JAG2: variants seen among roughly 807,000 people sequenced by gnomAD.
JAG2 encodes the protein protein jagged-2.
In JAG2, 46 loss-of-function variants were observed where a neutral mutation model predicts 141.7. That is an observed-to-expected ratio of 0.32 (90% CI 0.26 to 0.42). The LOEUF is 0.42. JAG2 is among the 10% of genes least tolerant of loss of function. The pLI is 1.00. For missense variants in JAG2, 1,500 were observed against 1,817.5 expected (o/e 0.83, Z 3.18); for synonymous variants, 862 against 763.5 (o/e 1.13, Z -2.13).
rs771494301 is a variant in JAG2 at position 105,146,602 on chromosome 14, G to C, written c.2593+9C>G. The stretch of plus-strand genomic sequence containing the variant: ...CCGCCCCAACCCAGGGCAATCACAC[G>C]GGGCCTACCTTCCTGGCACCGGGGG... On this transcript the variant is annotated intron_variant, in intron 21 of 25. Coordinates refer to ENST00000331782, the MANE Select transcript of JAG2 (RefSeq NM_002226.5). 24 of 1,611,092 alleles carry C rather than the reference G, an allele frequency of 1.5e-5. No individual in the cohort carries two copies. Among genetic ancestry groups the C allele is most frequent in the Non-Finnish European group, 2.0e-5 (23 of 1,178,516 alleles).
chr14:105,143,022 C>A lies in JAG2; in HGVS notation c.3390G>T (p.Pro1130=). The change falls in exon 26 of 26, where the codon CCG becomes CCT. Residue 1130 remains proline, a synonymous_variant. Coordinates refer to ENST00000331782, the MANE Select transcript of JAG2 (RefSeq NM_002226.5). ...REESANNQWA[P]LNPIRNPIER... ...CAATGGGGTTGCGGATGGGGTTGAG[C>A]GGGGCCCACTGGTTGTTGGCGCTCT... 6.2e-7 allele frequency: 1 copy of A among 1,606,130 alleles called. No individual in the cohort carries two copies. The highest frequency in any genetic ancestry group is 8.5e-7 in the Non-Finnish European group (1 of 1,179,652).
In JAG2 at chr14:105,145,005, A is replaced by G. The variant is rs147560046; in HGVS notation, c.3009T>C (p.Ala1003=). The part of the protein sequence containing the change: ...SGIRSLPATR[A]VARDRLLVLL... ...ACACCAGCAGGCGGTCCCGTGCCACAGCCCTTGTGGCTGGCAGGGAGCGGA... is the reference window on the plus strand; with the variant it reads ...ACACCAGCAGGCGGTCCCGTGCCACGGCCCTTGTGGCTGGCAGGGAGCGGA... Residue 1003 remains alanine, a synonymous_variant, in exon 24 of 26, where the codon GCT becomes GCC. Transcript: ENST00000331782. 3.7e-6 allele frequency: 6 copies of G among 1,609,984 alleles called. No individual in the cohort carries two copies. In the African/African-American group the frequency reaches 6.7e-5, roughly 18 times the overall value.
At chr14:105,148,558 T>A (rs1595175744) in intron 15 of JAG2, 119 bp from the exon 16 acceptor site, 3 of 746,706 alleles carry the variant, frequency 4.0e-6, no homozygotes, top group East Asian at 5.7e-5. Flanking sequence ...GGGAGGAGCG[T>A]CGGGCCGGGG....
rs1888556819 is a variant in JAG2, at chr14:105,155,638, A to C, written c.728-16T>G. On this transcript the variant is annotated splice_polypyrimidine_tract_variant and intron_variant, in intron 4 of 25. Coordinates refer to ENST00000331782, the MANE Select transcript of JAG2 (RefSeq NM_002226.5). ...TTACACACAGCTGCGAACAGAGAGG[A>C]GCGAGAGGCACAGCTGCAGCCAGCC... 1 of 1,612,500 alleles carries C rather than the reference A, an allele frequency of 6.2e-7. No individual in the cohort carries two copies. The highest frequency in any genetic ancestry group is 8.5e-7 in the Non-Finnish European group (1 of 1,179,866).
chr14:105,166,192 G>A (rs959522497), intron 2 of JAG2, among the ~76,000 whole-genome samples: 20 of 152,230 alleles, frequency 1.3e-4, no homozygotes, highest in African/African-American at 4.6e-4. Context: ...GGGCCTACCC[G>A]GTCCCATCCC....
intron 7 of JAG2, 33 bp from the exon 8 acceptor site, chr14:105,151,772 A>G (rs2140980478): frequency 6.3e-7 from 1 of 1,599,756 alleles, no homozygotes; most frequent in East Asian, 2.2e-5. Context: ...CAGAGCTGGC[A>G]GCCAGGCCCC....
chr14:105,152,939 C>G (rs1293655974), intron 5 of JAG2, among the ~76,000 whole-genome samples: 1 of 152,182 alleles, frequency 6.6e-6, no homozygotes, highest in Non-Finnish European at 1.5e-5. Flanking sequence ...CGCCCTGCCC[C>G]AGGCTATCGG....
Position 105,148,832 on chromosome 14 carries a change from A to G in JAG2, c.1933T>C (p.Cys645Arg). 6.3e-7 allele frequency: 1 copy of G among 1,596,486 alleles called. No individual in the cohort carries two copies. The highest frequency in any genetic ancestry group is 1.7e-5 in the Admixed American group (1 of 58,018). ...TCGATGCATGTGCCCCCATTGCGGC[A>G]GGGCTGGCCCAGGCAGTCGTCAATG... ...ENIDDCLGQP[C>R]RNGGTCIDEV... is the part of the protein sequence containing the mutation. Residue 645 changes from cysteine (C) to arginine (R), a missense_variant, in exon 15 of 26, where the codon TGC becomes CGC. By Grantham distance (180) the Cys-to-Arg change is radical. Around this residue, in one of 3 missense-constraint regions of JAG2, gnomAD observed 875 missense variants for 1,202.2 expected, o/e 0.73. Coordinates refer to ENST00000331782, the MANE Select transcript of JAG2 (RefSeq NM_002226.5).
chr14:105,161,838 G>T (rs1158201334), intron 2 of JAG2, among the ~76,000 whole-genome samples: 1 of 151,390 alleles, frequency 6.6e-6, no homozygotes. Flanking sequence ...TCTGCGAATA[G>T]CAACCTCTCA....
chr14:105,144,781 G>A (rs1888171808), intron 24 of JAG2, 149 bp downstream of exon 24: 4 of 1,036,714 alleles, frequency 3.9e-6, no homozygotes, highest in African/African-American at 3.2e-5. Flanking sequence ...TCTGCGGCAT[G>A]GACAGCGAGG....
chr14:105,167,443 C>G lies in JAG2; in HGVS notation c.417+314G>C, dbSNP rs1448608383. Among the ~76,000 whole-genome samples, 1 of 151,538 alleles carries G rather than the reference C, an allele frequency of 6.6e-6. No individual in the cohort carries two copies. The highest frequency in any genetic ancestry group is 1.5e-5 in the Non-Finnish European group (1 of 67,826). ...CGGCCTGCCCGGGACCGGGGCGCCT[C>G]GCCTCGCCTCCCCACCCAGACAGAC... On this transcript the variant is annotated intron_variant, in intron 2 of 25. Coordinates refer to ENST00000331782, the MANE Select transcript of JAG2 (RefSeq NM_002226.5). The surrounding 1 kb of genome is among the most constrained non-coding windows in gnomAD (Gnocchi z 4.8).
Position 105,150,877 on chromosome 14 carries a change from C to A in JAG2, c.1416G>T (p.Gly472=). 6.3e-7 allele frequency: 1 copy of A among 1,588,642 alleles called. No individual in the cohort carries two copies. The highest frequency in any genetic ancestry group is 2.3e-5 in the East Asian group (1 of 43,326). ...VNDCRGQCQH[G]GTCKDLVNGY... ...GGCCCCGCCTCACCTTGCAGGTGCC[C>A]CCATGCTGACACTGCCCGCGACAGT... is the stretch of plus-strand genomic sequence containing the variant. Residue 472 remains glycine, a synonymous_variant, in exon 11 of 26, where the codon GGG becomes GGT. Transcript: ENST00000331782.
chr14:105,143,368 C>T (rs1888122458), intron 25 of JAG2, 114 bp downstream of exon 25: 4 of 1,371,794 alleles, frequency 2.9e-6, no homozygotes, highest in South Asian at 1.2e-5. Flanking sequence ...CAGCAGGTGC[C>T]AGGGACTTCT....
chr14:105,142,355 G>C lies in JAG2; in HGVS notation c.*340C>G. ...AGAGAAACCCGAGTGAGGAATAAAA[G>C]GAAGATTCTGTAAACAGTGCACAAC... On this transcript the variant is annotated 3_prime_UTR_variant, in exon 26 of 26. Transcript: ENST00000331782. 1 of 240,862 alleles carries C rather than the reference G, an allele frequency of 4.2e-6. No individual in the cohort carries two copies. 14.9% of individuals were successfully genotyped at this position (240,862 alleles called of 1,614,324 possible).
chr14:105,145,677 G>A (rs1003701661), intron 23 of JAG2, 54 bp downstream of exon 23: 31 of 1,555,250 alleles, frequency 2.0e-5, no homozygotes, highest in Non-Finnish European at 2.4e-5. Context: ...GCCATGCCAC[G>A]AGCAGATGCC....
chr14:105,161,783 A>T (rs144161830), intron 2 of JAG2, among the ~76,000 whole-genome samples: 5,283 of 149,068 alleles, frequency 0.035, 93 homozygotes, highest in Non-Finnish European at 0.057. Flanking sequence ...CTCCTCTGCG[A>T]ATAGCAACCT....
At position 105,154,527 on chromosome 14, in the gene JAG2, C is replaced by G. The variant is rs373862885; in HGVS notation, c.788+1035G>C. Among the ~76,000 whole-genome samples, 1 of 152,182 alleles carries G rather than the reference C, an allele frequency of 6.6e-6. No homozygotes were observed. The highest frequency in any genetic ancestry group is 2.4e-5 in the African/African-American group (1 of 41,442). ...CTGGCTGGATCCCCCACACTCTGGT[C>G]TGGGTCCAGAGGCCTCCACCATCTG... is the stretch of plus-strand genomic sequence containing the variant. On this transcript the variant is annotated intron_variant, in intron 5 of 25. Coordinates refer to ENST00000331782, the MANE Select transcript of JAG2 (RefSeq NM_002226.5). The surrounding 1 kb of genome is among the most constrained non-coding windows in gnomAD (Gnocchi z 4.4).
In JAG2 at chr14:105,142,931, C is replaced by T; in HGVS notation, c.3481G>A (p.Ala1161Thr). 1 of 1,608,674 alleles carries T rather than the reference C, an allele frequency of 6.2e-7. No homozygotes were observed. The highest frequency in any genetic ancestry group is 8.5e-7 in the Non-Finnish European group (1 of 1,177,748). Residue 1161 changes from alanine to threonine, a missense_variant, in exon 26 of 26, where the codon GCG becomes ACG. Coordinates refer to ENST00000331782, the MANE Select transcript of JAG2 (RefSeq NM_002226.5). ...GCCGGCCCGGGCAGCGCCTCGTCCG[C>T]CCTGCGCGGCGGCGGCGTGAAGTTC... is the stretch of plus-strand genomic sequence containing the variant. ...CKNFTPPPRR[A>T]DEALPGPAGH... is the part of the protein sequence containing the mutation.
In JAG2 at chr14:105,142,485, T is replaced by A. The variant is rs1200130565; in HGVS notation, c.*210A>T. ...GGAAACTTTACAAAAATAGCAACTA[T>A]CCGAGAATACTCCATTGTTTTCAGC... On this transcript the variant is annotated 3_prime_UTR_variant, in exon 26 of 26. Coordinates refer to ENST00000331782, the MANE Select transcript of JAG2 (RefSeq NM_002226.5). The A allele has an allele frequency of 1.7e-6, 1 of 576,514 alleles. No individual in the cohort carries two copies. Among genetic ancestry groups the A allele is most frequent in the African/African-American group, 1.9e-5 (1 of 53,168 alleles). 35.7% of individuals were successfully genotyped at this position (576,514 alleles called of 1,614,324 possible).
Sources: allele counts gnomAD v4.1 joint callset (sites outside exome capture counted in the v4.1 genomes callset), GRCh38; gene constraint gnomAD v4.1.1; regional missense constraint gnomAD v4.1.1; non-coding constraint Gnocchi (gnomAD v3.1); transcripts MANE v1.5; gene names NCBI Gene and HGNC (gene_info 2026-07-23, HGNC 2026-07-21).